Variants in TMCC1 observed in about 807,000 individuals in gnomAD.
TMCC1 encodes the protein transmembrane and coiled-coil domain family 1.
In TMCC1, 15 loss-of-function variants were observed where a neutral mutation model predicts 52.4. That is an observed-to-expected ratio of 0.29 (90% CI 0.19 to 0.44). The LOEUF (loss-of-function observed/expected upper bound fraction) is 0.44, where lower values mean the gene tolerates loss of function less well. TMCC1 is among the 20% of genes least tolerant of loss of function. The pLI is 1.00. For missense variants in TMCC1, 503 were observed against 806.0 expected (o/e 0.62, Z 4.55); for synonymous variants, 279 against 301.9 (o/e 0.92, Z 0.79).
At chr3:129,741,543 C>A (rs982405332) in intron 4 of TMCC1, among the ~76,000 whole-genome samples, 7 of 152,166 alleles carry the variant, frequency 4.6e-5, no homozygotes, top group Admixed American at 4.6e-4. Context: ...TGACTCTTCA[C>A]TAACAATCTT....
chr3:129,726,222 T>C (rs950625951), intron 4 of TMCC1, among the ~76,000 whole-genome samples: 2 of 152,200 alleles, frequency 1.3e-5, no homozygotes, highest in African/African-American at 4.8e-5. Context: ...AGACAAAATT[T>C]TCTAACTAGA....
At chr3:129,861,073 T>C (rs1048135824) in intron 2 of TMCC1, 1 of 152,218 alleles carries the variant, frequency 6.6e-6, no homozygotes, top group African/African-American at 2.4e-5. Flanking sequence ...ACCTGCATGA[T>C]ATTCCTTTGG....
chr3:129,671,819 ATCAT>A (rs1309436748), intron 4 of TMCC1, among the ~76,000 whole-genome samples: 2 of 152,176 alleles, frequency 1.3e-5, no homozygotes, highest in African/African-American at 4.8e-5. Context: ...AGGGTGATGG[ATCAT>A]TCTATATATT....
intron 4 of TMCC1, among the ~76,000 whole-genome samples, chr3:129,809,138 T>C (rs1452273497): frequency 2.0e-5 from 3 of 150,988 alleles, no homozygotes; most frequent in Admixed American, 6.6e-5. Flanking sequence ...TCCCAGCTAC[T>C]TGGGAGGCTG....
chr3:129,653,604 C>T (rs548404945), intron 6 of TMCC1, among the ~76,000 whole-genome samples: 203 of 152,200 alleles, frequency 1.3e-3, no homozygotes, highest in African/African-American at 4.0e-3. Context: ...CCAACATGCC[C>T]GGCTAATTTT....
chr3:129,842,973 T>C (rs2059488326), intron 2 of TMCC1, among the ~76,000 whole-genome samples: 1 of 152,192 alleles, frequency 6.6e-6, no homozygotes, highest in Non-Finnish European at 1.5e-5. Flanking sequence ...ATAGTCTTAA[T>C]TATATCTTAT....
At chr3:129,741,895 ATATCT>A (rs1384953185) in intron 4 of TMCC1, among the ~76,000 whole-genome samples, 2 of 152,156 alleles carry the variant, frequency 1.3e-5, no homozygotes, top group African/African-American at 4.8e-5. Flanking sequence ...TCTGATTCAA[ATATCT>A]TATCTTAATC....
rs1006698354 is a variant in TMCC1, at chr3:129,789,306, A to G, written c.576+38497T>C. 1.3e-4 allele frequency among the ~76,000 whole-genome samples: 20 copies of G among 152,272 alleles called. 1 individual carries two copies. The South Asian group carries it at 3.9e-3, about 30-fold the overall frequency. The stretch of plus-strand genomic sequence containing the variant: ...ACTTTTAAACAACCCTAATTAACCT[A>G]CTCAAGATGGAAATAAGAGATCTCT... On this transcript the variant is annotated intron_variant, in intron 4 of 6. Transcript: ENST00000393238.
At chr3:129,741,042 A>C (rs557899791) in intron 4 of TMCC1, among the ~76,000 whole-genome samples, 45 of 152,284 alleles carry the variant, frequency 3.0e-4, no homozygotes, top group Admixed American at 1.7e-3. Context: ...AATATGTCTA[A>C]TAATTTTAGT....
chr3:129,800,343 G>T (rs1001377563), intron 4 of TMCC1, among the ~76,000 whole-genome samples: 2 of 152,048 alleles, frequency 1.3e-5, no homozygotes, highest in African/African-American at 4.8e-5. Context: ...GGTATATGTA[G>T]CCTAAAAATG....
chr3:129,706,725 T>C (rs1183869320), intron 4 of TMCC1, among the ~76,000 whole-genome samples: 1 of 152,202 alleles, frequency 6.6e-6, no homozygotes, highest in Non-Finnish European at 1.5e-5. Context: ...TCAACAATGA[T>C]TGAAATTGTT....
intron 4 of TMCC1, among the ~76,000 whole-genome samples, chr3:129,755,565 A>G (rs952846239): frequency 1.3e-5 from 2 of 152,256 alleles, no homozygotes; most frequent in Non-Finnish European, 2.9e-5. Flanking sequence ...AGAAAACAAT[A>G]TAATTTAAAA....
chr3:129,652,454 C>A (rs187471120), intron 6 of TMCC1, among the ~76,000 whole-genome samples: 11 of 152,192 alleles, frequency 7.2e-5, no homozygotes, highest in Admixed American at 7.2e-4. Context: ...TGAGTTGTGG[C>A]ACAAATGACC....
At chr3:129,776,495 G>A (rs2055048582) in intron 4 of TMCC1, among the ~76,000 whole-genome samples, 1 of 152,140 alleles carries the variant, frequency 6.6e-6, no homozygotes, top group South Asian at 2.1e-4. Flanking sequence ...GAGGGCCTAA[G>A]ACAAAGCCCA....
chr3:129,726,674 T>C (rs1477242570), intron 4 of TMCC1, among the ~76,000 whole-genome samples: 1 of 149,688 alleles, frequency 6.7e-6, no homozygotes, highest in South Asian at 2.1e-4. Flanking sequence ...AGGTCAAGAG[T>C]TCGAGACCAG....
chr3:129,794,907 G>A (rs910726168), intron 4 of TMCC1, among the ~76,000 whole-genome samples: 3 of 152,112 alleles, frequency 2.0e-5, no homozygotes, highest in Non-Finnish European at 4.4e-5. Context: ...AATCCTTTAA[G>A]GTGAGGCAGT....
intron 2 of TMCC1, among the ~76,000 whole-genome samples, chr3:129,870,841 T>TC (rs1236381248): frequency 6.6e-6 from 1 of 150,432 alleles, no homozygotes; most frequent in Non-Finnish European, 1.5e-5. Context: ...ATTTAGATTA[T>TC]CCCTGTCCTT....
chr3:129,807,609 T>C (rs2057539315), intron 4 of TMCC1, among the ~76,000 whole-genome samples: 1 of 152,152 alleles, frequency 6.6e-6, no homozygotes, highest in Non-Finnish European at 1.5e-5. Context: ...TTTGAAATTC[T>C]AGAGAGAAAA....
At chr3:129,849,461 CA>C (rs564418353) in intron 2 of TMCC1, among the ~76,000 whole-genome samples, 238 of 132,496 alleles carry the variant, frequency 1.8e-3, no homozygotes, top group Admixed American at 1.8e-3. Flanking sequence ...GACTCCATCT[CA>C]AAAAAAAAAA....
Sources: gnomAD v4.1 joint callset for allele counts (sites outside exome capture counted in the v4.1 genomes callset) on GRCh38, gnomAD v4.1.1 for gene constraint, MANE v1.5 for transcripts, NCBI Gene and HGNC (gene_info 2026-07-23, HGNC 2026-07-21) for gene names.